PRIM2: variants seen among roughly 807,000 people sequenced by gnomAD.
PRIM2 encodes DNA primase subunit 2.
A neutral mutation model predicts 67.3 loss-of-function variants in PRIM2; 39 were observed. The observed-to-expected ratio is 0.58, with a 90% confidence interval of 0.45 to 0.76. The LOEUF is 0.76. Among genes scored for constraint, PRIM2 ranks in the 30% least tolerant of loss-of-function variants. PRIM2 has a pLI of 0.00. For missense variants in PRIM2, 398 were observed against 598.7 expected, an observed-to-expected ratio of 0.66 and a Z score of 3.50; for synonymous variants, 143 against 198.7, an observed-to-expected ratio of 0.72 and a Z score of 2.36.
intron 13 of PRIM2, among the ~76,000 whole-genome samples, chr6:57,645,656 T>C (rs1410858864): frequency 6.6e-6 from 1 of 151,578 alleles, no homozygotes; most frequent in Non-Finnish European, 1.5e-5. Flanking sequence ...TGAGTAGGTG[T>C]TGGATATGGG....
intron 5 of PRIM2, among the ~76,000 whole-genome samples, chr6:57,332,351 T>C (rs947643168): frequency 3.3e-5 from 5 of 152,172 alleles, no homozygotes; most frequent in Non-Finnish European, 5.9e-5. Flanking sequence ...CTATTCTTGG[T>C]TGGAGTGTTC....
chr6:57,620,336 G>A (rs1776828755), intron 12 of PRIM2, among the ~76,000 whole-genome samples: 2 of 152,160 alleles, frequency 1.3e-5, no homozygotes, highest in Non-Finnish European at 2.9e-5. Context: ...ACCTATAAAG[G>A]AAAACCTAAC....
At chr6:57,557,657 T>C (rs1775540451) in intron 10 of PRIM2, among the ~76,000 whole-genome samples, 2 of 151,032 alleles carry the variant, frequency 1.3e-5, no homozygotes, top group African/African-American at 2.4e-5. Context: ...CAGAAAAAAA[T>C]AACTATTGGG....
chr6:57,292,244 C>T, the PRIM2 span, among the ~76,000 whole-genome samples: 1 of 152,146 alleles, frequency 6.6e-6, no homozygotes, highest in African/African-American at 2.4e-5. Context: ...CTCCCATTCA[C>T]AACTACTACA....
the PRIM2 span, among the ~76,000 whole-genome samples, chr6:57,281,320 G>A: frequency 1.3e-5 from 2 of 152,112 alleles, no homozygotes; most frequent in African/African-American, 4.8e-5. Context: ...ATACCCAGCA[G>A]TGGAATTGCT....
the PRIM2 span, among the ~76,000 whole-genome samples, chr6:57,230,512 T>C: frequency 2.0e-5 from 3 of 152,216 alleles, no homozygotes; most frequent in Non-Finnish European, 4.4e-5. Context: ...AGGCTGTGCA[T>C]ATCTAGTGGG....
intron 5 of PRIM2, among the ~76,000 whole-genome samples, chr6:57,363,083 A>C (rs1337255414): frequency 2.0e-5 from 3 of 152,160 alleles, no homozygotes; most frequent in Non-Finnish European, 4.4e-5. Context: ...TCTAATATTT[A>C]ATGTTAAATT....
At chr6:57,482,948 C>T (rs1260069116) in intron 7 of PRIM2, among the ~76,000 whole-genome samples, 2 of 152,082 alleles carry the variant, frequency 1.3e-5, no homozygotes, top group African/African-American at 4.8e-5. Context: ...CTTGCTTTGT[C>T]GCACAGGCTG....
chr6:57,628,850 T>C (rs1776998679), intron 12 of PRIM2, among the ~76,000 whole-genome samples: 1 of 152,212 alleles, frequency 6.6e-6, no homozygotes, highest in Non-Finnish European at 1.5e-5. Flanking sequence ...TAGTACTCCA[T>C]GGTGCATAAG....
intron 7 of PRIM2, among the ~76,000 whole-genome samples, chr6:57,453,699 G>C (rs1451665208): frequency 6.6e-6 from 1 of 152,098 alleles, no homozygotes; most frequent in Admixed American, 6.5e-5. Flanking sequence ...GAGACAATGG[G>C]GTTTTCTAAA....
At chr6:57,535,663 G>A (rs1370545080) in intron 9 of PRIM2, among the ~76,000 whole-genome samples, 2 of 152,250 alleles carry the variant, frequency 1.3e-5, no homozygotes, top group South Asian at 2.1e-4. Context: ...TCAGGAGTTC[G>A]AGACCAGCGT....
At chr6:57,295,739 C>CA in the PRIM2 span, among the ~76,000 whole-genome samples, 3 of 152,186 alleles carry the variant, frequency 2.0e-5, no homozygotes, top group Non-Finnish European at 4.4e-5. Flanking sequence ...TCCACATGAA[C>CA]AGCTACACAG....
chr6:57,407,732 A>AAT (rs1770941459), intron 7 of PRIM2, among the ~76,000 whole-genome samples: 1 of 151,930 alleles, frequency 6.6e-6, no homozygotes, highest in Non-Finnish European at 1.5e-5. Flanking sequence ...GCATTAAATC[A>AAT]TTCTTTTGAG....
chr6:57,250,773 A>T, the PRIM2 span, among the ~76,000 whole-genome samples: 1 of 152,012 alleles, frequency 6.6e-6, no homozygotes, highest in Non-Finnish European at 1.5e-5. Context: ...GTAGTATTTG[A>T]CTCTTTCCCG....
At chr6:57,551,924 A>G (rs1775412244) in intron 10 of PRIM2, among the ~76,000 whole-genome samples, 2 of 152,208 alleles carry the variant, frequency 1.3e-5, no homozygotes, top group African/African-American at 4.8e-5. Context: ...TTTTCTTGTC[A>G]TATCTTAGTG....
At chr6:57,330,911 G>A (rs1392145321) in intron 5 of PRIM2, among the ~76,000 whole-genome samples, 2 of 151,984 alleles carry the variant, frequency 1.3e-5, no homozygotes, top group African/African-American at 2.4e-5. Flanking sequence ...GGCCGGGCGC[G>A]GTGGCTCACA....
chr6:57,634,329 C>A (rs1375050836), intron 13 of PRIM2, among the ~76,000 whole-genome samples: 3 of 152,214 alleles, frequency 2.0e-5, no homozygotes, highest in Non-Finnish European at 4.4e-5. Context: ...GTCCTGTCCT[C>A]ATTCTTCTAT....
At chr6:57,319,463 G>A (rs1442305660) in intron 2 of PRIM2, among the ~76,000 whole-genome samples, 1 of 152,256 alleles carries the variant, frequency 6.6e-6, no homozygotes, top group Non-Finnish European at 1.5e-5. Flanking sequence ...GGCACTCAGT[G>A]CCTGTGTGTT....
intron 7 of PRIM2, among the ~76,000 whole-genome samples, chr6:57,480,594 G>C (rs1773597022): frequency 6.6e-6 from 1 of 152,014 alleles, no homozygotes; most frequent in Non-Finnish European, 1.5e-5. Flanking sequence ...TCCTATGCTT[G>C]TCAGACACTA....
Sources: allele counts gnomAD v4.1 joint callset (sites outside exome capture counted in the v4.1 genomes callset), GRCh38; gene constraint gnomAD v4.1.1; transcripts MANE v1.5; gene names NCBI Gene and HGNC (gene_info 2026-07-23, HGNC 2026-07-21).